The following SPMIP2 variants were observed in gnomAD, a reference collection of about 807,000 sequenced individuals.
SPMIP2 encodes the protein protein SPMIP2.
chr4:158,941,557 G>T, the SPMIP2 span, among the ~76,000 whole-genome samples: 1 of 152,172 alleles, frequency 6.6e-6, no homozygotes, highest in Non-Finnish European at 1.5e-5. Context: ...TACTTGGGAG[G>T]CTGTGGCAAG....
At chr4:158,958,988 T>C in the SPMIP2 span, among the ~76,000 whole-genome samples, 1 of 152,240 alleles carries the variant, frequency 6.6e-6, no homozygotes, top group Non-Finnish European at 1.5e-5. Context: ...TCTTCACATA[T>C]ACACCCAGTT....
the SPMIP2 span, among the ~76,000 whole-genome samples, chr4:158,983,032 G>A: frequency 7.9e-5 from 12 of 152,114 alleles, no homozygotes; most frequent in Non-Finnish European, 1.8e-4. Flanking sequence ...CTCAGGAGCC[G>A]ATGCGATCAA....
chr4:158,895,909 C>A, the SPMIP2 span: 2 of 1,380,360 alleles, frequency 1.4e-6, no homozygotes, highest in South Asian at 1.2e-5. Context: ...TGATAGGTAT[C>A]CCTAGCATTG....
chr4:158,976,252 C>G, the SPMIP2 span, among the ~76,000 whole-genome samples: 45 of 152,300 alleles, frequency 3.0e-4, no homozygotes, highest in African/African-American at 1.0e-3. Context: ...ATTTGACTTC[C>G]TCTCTTCCTA....
the SPMIP2 span, among the ~76,000 whole-genome samples, chr4:158,963,704 T>G: frequency 6.6e-6 from 1 of 150,652 alleles, no homozygotes; most frequent in African/African-American, 2.5e-5. Flanking sequence ...GCAGATGTAA[T>G]TAAAGTCCCA....
chr4:159,026,473 G>A, the SPMIP2 span: 1 of 760,572 alleles, frequency 1.3e-6, no homozygotes. Flanking sequence ...ATTCATGGTA[G>A]ACTGTGTCAT....
the SPMIP2 span, chr4:158,937,380 G>T: frequency 1.9e-4 from 30 of 153,972 alleles, no homozygotes; most frequent in African/African-American, 7.2e-4. Context: ...GGAGGTTCTT[G>T]GTAAGTGCAA....
chr4:158,945,843 T>TTTTTTTC, the SPMIP2 span, among the ~76,000 whole-genome samples: 1 of 152,226 alleles, frequency 6.6e-6, no homozygotes, highest in Non-Finnish European at 1.5e-5. Context: ...GTCTGTTATT[T>TTTTTTTC]TTTTTTCTGT....
the SPMIP2 span, among the ~76,000 whole-genome samples, chr4:159,027,466 A>G: frequency 3.4e-4 from 52 of 152,362 alleles, no homozygotes; most frequent in African/African-American, 1.2e-3. Flanking sequence ...TGCTATGACA[A>G]CAGAATAAAA....
At chr4:159,023,527 CCAGA>C in the SPMIP2 span, among the ~76,000 whole-genome samples, 9 of 152,254 alleles carry the variant, frequency 5.9e-5, no homozygotes, top group East Asian at 1.9e-4. Context: ...ACAAAAATGA[CCAGA>C]CAAACTCCCA....
At chr4:158,947,681 A>G in the SPMIP2 span, among the ~76,000 whole-genome samples, 5 of 152,354 alleles carry the variant, frequency 3.3e-5, no homozygotes, top group South Asian at 1.0e-3. Flanking sequence ...AAGAAATTTT[A>G]TACTATATTG....
chr4:158,976,809 A>T, the SPMIP2 span, among the ~76,000 whole-genome samples: 1 of 151,660 alleles, frequency 6.6e-6, no homozygotes, highest in Non-Finnish European at 1.5e-5. Context: ...CTACAGGCAC[A>T]CACCACCACG....
the SPMIP2 span, among the ~76,000 whole-genome samples, chr4:158,898,123 G>T: frequency 3.0e-4 from 45 of 152,180 alleles, no homozygotes; most frequent in African/African-American, 1.0e-3. Flanking sequence ...GTTTTTGTCA[G>T]GTTTGTCAAA....
At chr4:158,945,497 G>A in the SPMIP2 span, among the ~76,000 whole-genome samples, 3 of 152,184 alleles carry the variant, frequency 2.0e-5, no homozygotes, top group African/African-American at 7.2e-5. Flanking sequence ...CATCGAACAT[G>A]GAAGAGACCA....
the SPMIP2 span, among the ~76,000 whole-genome samples, chr4:158,939,958 T>A: frequency 1.3e-5 from 2 of 152,222 alleles, no homozygotes; most frequent in African/African-American, 4.8e-5. Context: ...CTATACATTG[T>A]CAGTTGGCTT....
chr4:158,930,222 G>A, the SPMIP2 span, among the ~76,000 whole-genome samples: 19 of 59,708 alleles, frequency 3.2e-4, no homozygotes, highest in African/African-American at 1.2e-3. Context: ...TCTCTCACTC[G>A]CTCTGAGTTG....
At chr4:158,915,725 T>G in the SPMIP2 span, among the ~76,000 whole-genome samples, 1 of 152,226 alleles carries the variant, frequency 6.6e-6, no homozygotes, top group Non-Finnish European at 1.5e-5. Flanking sequence ...CCTATCCATT[T>G]TGAGGTCTCA....
chr4:158,989,921 A>G, the SPMIP2 span, among the ~76,000 whole-genome samples: 1 of 152,216 alleles, frequency 6.6e-6, no homozygotes, highest in East Asian at 1.9e-4. Context: ...ACAGCAAAAG[A>G]AACTATTATC....
chr4:159,047,331 G>T, the SPMIP2 span, among the ~76,000 whole-genome samples: 1 of 151,956 alleles, frequency 6.6e-6, no homozygotes, highest in East Asian at 1.9e-4. Flanking sequence ...ATTTATTTGT[G>T]TCTGAAACCA....
Sources: allele counts gnomAD v4.1 joint callset (sites outside exome capture counted in the v4.1 genomes callset), GRCh38; gene constraint gnomAD v4.1.1; transcripts MANE v1.5; gene names NCBI Gene and HGNC (gene_info 2026-07-23, HGNC 2026-07-21).